Variants in IRAK2 observed in about 807,000 individuals in gnomAD.
The protein encoded by IRAK2 is interleukin-1 receptor-associated kinase-like 2.
Under a neutral mutation model 72.0 loss-of-function variants are expected in IRAK2, and 57 were observed. The ratio of observed to expected loss-of-function variants is 0.79; its 90% CI spans 0.64 to 0.99. The LOEUF (loss-of-function observed/expected upper bound fraction) is 0.99, where lower values mean the gene tolerates loss of function less well. Ranked by LOEUF, IRAK2 falls within the 50% of genes least tolerant of loss-of-function variation. The pLI, the probability that IRAK2 is intolerant of heterozygous loss-of-function variation, is 0.00. For synonymous variants in IRAK2, 293 were observed against 312.7 expected (o/e 0.94, Z 0.67); for missense variants, 790 against 794.4 (o/e 0.99, Z 0.07).
At chr3:10,229,850 C>T (rs916150206) in intron 10 of IRAK2, among the ~76,000 whole-genome samples, 1 of 152,092 alleles carries the variant, frequency 6.6e-6, no homozygotes, top group Non-Finnish European at 1.5e-5. Flanking sequence ...GCTGTAATCG[C>T]GGCACTTTGG....
At chr3:10,177,513 G>A (rs1484114075) in intron 1 of IRAK2, among the ~76,000 whole-genome samples, 1 of 152,162 alleles carries the variant, frequency 6.6e-6, no homozygotes, top group Non-Finnish European at 1.5e-5. Flanking sequence ...TTATAGAAGG[G>A]GAGGCAGGCA....
intron 2 of IRAK2, among the ~76,000 whole-genome samples, chr3:10,199,271 G>T (rs1167698838): frequency 6.6e-6 from 1 of 152,110 alleles, no homozygotes; most frequent in Non-Finnish European, 1.5e-5. Flanking sequence ...GCACCTTTGG[G>T]GTTTCCCAAG....
intron 12 of IRAK2, among the ~76,000 whole-genome samples, chr3:10,241,759 G>T (rs1368107634): frequency 7.3e-6 from 1 of 137,368 alleles, no homozygotes; most frequent in Non-Finnish European, 1.5e-5. Flanking sequence ...AAAATTAACT[G>T]TGTGTGTCGT....
At chr3:10,204,011 T>A (rs1468795924) in intron 3 of IRAK2, among the ~76,000 whole-genome samples, 1 of 152,142 alleles carries the variant, frequency 6.6e-6, no homozygotes, top group African/African-American at 2.4e-5. Context: ...GATGAAAGGG[T>A]TTTGAGCAGC....
chr3:10,202,689 C>CTTTTTTTTTTTTTT (rs374939802), intron 3 of IRAK2, among the ~76,000 whole-genome samples: 1 of 98,068 alleles, frequency 1.0e-5, no homozygotes, highest in Non-Finnish European at 1.9e-5. Flanking sequence ...ACTTTCTTTC[C>CTTTTTTTTTTTTTT]TTTTTTTTTT....
chr3:10,214,753 T>C (rs1423084607), intron 6 of IRAK2, among the ~76,000 whole-genome samples: 2 of 151,984 alleles, frequency 1.3e-5, no homozygotes, highest in Non-Finnish European at 2.9e-5. Flanking sequence ...GAGACCAGCT[T>C]GGGCAACATA....
At chr3:10,176,065 G>GTTTTTT (rs58627914) in intron 1 of IRAK2, among the ~76,000 whole-genome samples, 2 of 77,408 alleles carry the variant, frequency 2.6e-5, no homozygotes, top group African/African-American at 4.6e-5. Context: ...TATTGTCCAT[G>GTTTTTT]TTTTTTTTTT....
chr3:10,213,679 G>A (rs1244221659), intron 6 of IRAK2, 131 bp downstream of exon 6: 1 of 690,064 alleles, frequency 1.4e-6, no homozygotes, highest in Non-Finnish European at 2.5e-6. Flanking sequence ...TATAAATGTA[G>A]CTACTATTAT....
At chr3:10,235,734 C>T (rs553818494) in intron 11 of IRAK2, among the ~76,000 whole-genome samples, 2 of 152,244 alleles carry the variant, frequency 1.3e-5, no homozygotes, top group South Asian at 2.1e-4. Flanking sequence ...ACTGCTGTAG[C>T]CCAAGCCTCC....
At chr3:10,234,394 G>T in intron 10 of IRAK2, 65 bp from the exon 11 acceptor site, 2 of 1,362,350 alleles carry the variant, frequency 1.5e-6, no homozygotes, top group Admixed American at 1.7e-5. Context: ...GGTGAGTGGG[G>T]CGCGTGCGTT....
At chr3:10,202,333 A>G (rs1467899985) in intron 3 of IRAK2, among the ~76,000 whole-genome samples, 1 of 152,224 alleles carries the variant, frequency 6.6e-6, no homozygotes, top group Non-Finnish European at 1.5e-5. Flanking sequence ...AAAGATAAAC[A>G]TCACAGCCAG....
intron 2 of IRAK2, among the ~76,000 whole-genome samples, chr3:10,190,967 G>A (rs147968941): frequency 2.7e-3 from 413 of 152,242 alleles, no homozygotes; most frequent in Middle Eastern, 0.014. Flanking sequence ...TAAGTGCTTC[G>A]TCCAGGAAGT....
chr3:10,209,483 T>G, intron 3 of IRAK2, 106 bp from the exon 4 acceptor site: 1 of 619,028 alleles, frequency 1.6e-6, no homozygotes, highest in Non-Finnish European at 2.7e-6. Context: ...CAGCAACAAG[T>G]GTTTGGGGAG....
At position 10,222,795 on chromosome 3, in the gene IRAK2, G is replaced by T; in HGVS notation, c.1173G>T (p.Gln391His). ...CAGAGGATTTCATCCGGGTGGGGCA[G>T]CTGACAAAGCGAGTGGACATCTTCA... ...YLPEDFIRVG[Q>H]LTKRVDIFSC... Residue 391 changes from glutamine (Q) to histidine (H), a missense_variant, in exon 9 of 13, where the codon CAG (glutamine) becomes CAT (histidine). By Grantham distance (24) the Gln-to-His change is conservative (BLOSUM62 0). Transcript: ENST00000256458. 1 of 1,614,214 alleles carries T rather than the reference G, an allele frequency of 6.2e-7. No homozygotes were observed. Among genetic ancestry groups the T allele is most frequent in the Non-Finnish European group, 8.5e-7 (1 of 1,180,032 alleles).
chr3:10,225,897 C>T (rs925352642), intron 9 of IRAK2, among the ~76,000 whole-genome samples: 4 of 151,948 alleles, frequency 2.6e-5, no homozygotes, highest in Non-Finnish European at 5.9e-5. Context: ...GACGGGGTTT[C>T]GCTGTGTTAG....
intron 3 of IRAK2, among the ~76,000 whole-genome samples, chr3:10,201,923 T>C (rs1287338492): frequency 6.6e-6 from 1 of 152,252 alleles, no homozygotes; most frequent in African/African-American, 2.4e-5. Context: ...GCTGCTGTTT[T>C]GTAGAATGAC....
chr3:10,229,108 AT>A (rs911256073), intron 10 of IRAK2, among the ~76,000 whole-genome samples: 3 of 151,370 alleles, frequency 2.0e-5, no homozygotes, highest in African/African-American at 7.3e-5. Flanking sequence ...TAATTTTTGT[AT>A]TTTTTTTAGT....
At chr3:10,238,127 C>T (rs908400498) in intron 11 of IRAK2, among the ~76,000 whole-genome samples, 2 of 151,978 alleles carry the variant, frequency 1.3e-5, no homozygotes, top group Admixed American at 6.6e-5. Context: ...CACACACAGA[C>T]ATAGGGAGGG....
Position 10,176,756 on chromosome 3 carries a change from C to T in IRAK2, c.95-1082C>T, listed in dbSNP as rs186656082. Among the ~76,000 whole-genome samples the T allele has an allele frequency of 2.6e-3, 387 of 150,138 alleles. 9 individuals carry two copies. Among genetic ancestry groups the T allele is most frequent in the Admixed American group, 0.023 (342 of 15,044 alleles). ...CCTTCCAAAGTGCTGGGATTACAGG[C>T]GTAAGCCACTGCGCCTGGCCTACTT... On this transcript the variant is annotated intron_variant, in intron 1 of 12. Transcript: ENST00000256458.
Sources: allele counts gnomAD v4.1 joint callset (sites outside exome capture counted in the v4.1 genomes callset), GRCh38; gene constraint gnomAD v4.1.1; transcripts MANE v1.5; gene names NCBI Gene and HGNC (gene_info 2026-07-23, HGNC 2026-07-21).